The following ROBO2 variants were observed in gnomAD, a reference collection of about 807,000 sequenced individuals.
ROBO2 encodes the protein roundabout homolog 2.
Under a neutral mutation model 160.8 loss-of-function variants are expected in ROBO2, and 53 were observed. The ratio of observed to expected loss-of-function variants is 0.33; its 90% CI spans 0.26 to 0.41. ROBO2 has a LOEUF of 0.41. Ranked by LOEUF, ROBO2 falls within the 10% of genes least tolerant of loss-of-function variation. ROBO2 has a pLI of 1.00. For missense variants in ROBO2, 1,577 were observed against 1,722.4 expected (o/e 0.92, Z 1.49); for synonymous variants, 664 against 611.7 (o/e 1.09, Z -1.26).
chr3:77,427,817 A>G (rs73099859), intron 2 of ROBO2, among the ~76,000 whole-genome samples: 6,245 of 152,334 alleles, frequency 0.041, 172 homozygotes, highest in Non-Finnish European at 0.063. Flanking sequence ...TAAACTATCA[A>G]TAAAGAATGC....
chr3:77,025,844 G>C (rs902126061), intron 2 of ROBO2, among the ~76,000 whole-genome samples: 1 of 152,052 alleles, frequency 6.6e-6, no homozygotes, highest in Non-Finnish European at 1.5e-5. Context: ...TGGATGTTTT[G>C]CACCATATTG....
chr3:76,550,939 G>T (rs909116940), intron 2 of ROBO2, among the ~76,000 whole-genome samples: 2 of 152,116 alleles, frequency 1.3e-5, no homozygotes, highest in Non-Finnish European at 2.9e-5. Flanking sequence ...TGGGTGCTGT[G>T]GATGGCATGT....
chr3:75,950,644 G>A (rs1948500484), intron 2 of ROBO2, among the ~76,000 whole-genome samples: 1 of 151,882 alleles, frequency 6.6e-6, no homozygotes, highest in South Asian at 2.1e-4. Context: ...ATGTTGATGA[G>A]AAAAAACAAA....
intron 2 of ROBO2, among the ~76,000 whole-genome samples, chr3:77,456,823 G>A (rs1019832236): frequency 1.3e-5 from 2 of 152,116 alleles, no homozygotes; most frequent in Admixed American, 6.5e-5. Context: ...CATGGCCAGT[G>A]TCCTTTCATG....
At chr3:77,624,700 C>T (rs2094970916) in intron 23 of ROBO2, among the ~76,000 whole-genome samples, 1 of 152,122 alleles carries the variant, frequency 6.6e-6, no homozygotes, top group Non-Finnish European at 1.5e-5. Context: ...CCACCAGTTA[C>T]TTTGGGTTCT....
At chr3:76,248,770 C>T (rs1705796766) in intron 2 of ROBO2, among the ~76,000 whole-genome samples, 1 of 151,892 alleles carries the variant, frequency 6.6e-6, no homozygotes, top group Non-Finnish European at 1.5e-5. Context: ...TACATTTTGT[C>T]ATAGTGTGTG....
intron 2 of ROBO2, among the ~76,000 whole-genome samples, chr3:76,187,279 T>A (rs1701810363): frequency 6.6e-6 from 1 of 152,048 alleles, no homozygotes; most frequent in South Asian, 2.1e-4. Context: ...TTTTGTTTTG[T>A]TCTATTTTTT....
Position 77,564,738 on chromosome 3 carries a change from T to C in ROBO2, c.1683-216T>C, listed in dbSNP as rs927939044. On this transcript the variant is annotated intron_variant, in intron 11 of 25. Coordinates refer to ENST00000461745, the Ensembl canonical transcript of ROBO2. ...ACATCTCCTGGGCTGAGTTTAATTT[T>C]GTTGTGCATGGCACTTTTGTTAGGT... 7 of 627,054 alleles carry C rather than the reference T, an allele frequency of 1.1e-5. No homozygotes were observed. In the African/African-American group the frequency reaches 1.3e-4, roughly 11 times the overall value. 38.8% of individuals were successfully genotyped at this position (627,054 alleles called of 1,614,324 possible). A position where few individuals can be genotyped will look rare whatever the true frequency, so the allele number is the denominator to read the frequency against.
intron 2 of ROBO2, among the ~76,000 whole-genome samples, chr3:76,551,914 C>T (rs143848063): frequency 6.6e-6 from 1 of 152,244 alleles, no homozygotes; most frequent in African/African-American, 2.4e-5. Flanking sequence ...ATGAATGGCT[C>T]ATCCTTGGCA....
At chr3:77,231,845 T>G (rs1181403892) in intron 2 of ROBO2, among the ~76,000 whole-genome samples, 1 of 152,206 alleles carries the variant, frequency 6.6e-6, no homozygotes, top group Non-Finnish European at 1.5e-5. Flanking sequence ...TCTTTTAAAT[T>G]TTAAGAATCT....
intron 2 of ROBO2, among the ~76,000 whole-genome samples, chr3:76,818,040 G>A (rs2065836037): frequency 6.6e-6 from 1 of 152,016 alleles, no homozygotes; most frequent in East Asian, 1.9e-4. Context: ...TGGATCAAGT[G>A]GTAGTTCTAT....
At chr3:75,978,811 T>G (rs2065199041) in intron 2 of ROBO2, among the ~76,000 whole-genome samples, 1 of 151,496 alleles carries the variant, frequency 6.6e-6, no homozygotes, top group Non-Finnish European at 1.5e-5. Context: ...TGCTACAAAC[T>G]TATGACATCT....
chr3:76,411,494 G>A lies in ROBO2; in HGVS notation c.109+473892G>A, dbSNP rs571424619. ...ATTATCTTGCCTTGAGTAAATTTGTGATCGCTTCTAAATTTATTTCAACTG... is the reference window on the plus strand; with the variant it reads ...ATTATCTTGCCTTGAGTAAATTTGTAATCGCTTCTAAATTTATTTCAACTG... On this transcript the variant is annotated intron_variant, in intron 2 of 26. Coordinates refer to the ROBO2 transcript ENST00000487694. 4.6e-5 allele frequency among the ~76,000 whole-genome samples: 7 copies of A among 152,140 alleles called. No individual in the cohort carries two copies. In the South Asian group the frequency reaches 1.5e-3, roughly 32 times the overall value.
At chr3:76,625,134 A>G (rs2089534637) in intron 2 of ROBO2, among the ~76,000 whole-genome samples, 1 of 152,130 alleles carries the variant, frequency 6.6e-6, no homozygotes, top group Non-Finnish European at 1.5e-5. Flanking sequence ...ATTTGTCCCC[A>G]TGATGCCAAA....
chr3:77,274,296 T>C (rs1399584540), intron 2 of ROBO2, among the ~76,000 whole-genome samples: 1 of 152,180 alleles, frequency 6.6e-6, no homozygotes, highest in East Asian at 1.9e-4. Flanking sequence ...TAAAGCCAAA[T>C]AACTTGGCAT....
chr3:77,296,126 T>G (rs947266176), intron 2 of ROBO2, among the ~76,000 whole-genome samples: 42 of 147,762 alleles, frequency 2.8e-4, no homozygotes, highest in African/African-American at 9.8e-4. Flanking sequence ...TGAGTCTAGA[T>G]CACCCCAGAT....
intron 2 of ROBO2, among the ~76,000 whole-genome samples, chr3:76,987,841 T>A (rs1394372006): frequency 4.6e-5 from 7 of 152,146 alleles, no homozygotes; most frequent in African/African-American, 1.7e-4. Flanking sequence ...CGAGAATTTT[T>A]TTTTGCATGG....
At chr3:76,195,614 T>C (rs1702224444) in intron 2 of ROBO2, among the ~76,000 whole-genome samples, 1 of 152,210 alleles carries the variant, frequency 6.6e-6, no homozygotes, top group African/African-American at 2.4e-5. Context: ...TTAGAGAGTT[T>C]AATAGGCACA....
chr3:77,331,886 A>G (rs542234381), intron 2 of ROBO2, among the ~76,000 whole-genome samples: 3 of 152,090 alleles, frequency 2.0e-5, no homozygotes, highest in South Asian at 2.1e-4. Flanking sequence ...TTGTATTTTT[A>G]GTAGAGACGG....
Sources: allele counts gnomAD v4.1 joint callset (sites outside exome capture counted in the v4.1 genomes callset), GRCh38; gene constraint gnomAD v4.1.1; transcripts MANE v1.5; gene names NCBI Gene and HGNC (gene_info 2026-07-23, HGNC 2026-07-21).